Variants in CHLSN observed in about 807,000 individuals in gnomAD.
CHLSN encodes the protein protein cholesin.
chr7:1,108,466 G>A, the CHLSN span, among the ~76,000 whole-genome samples: 3 of 152,194 alleles, frequency 2.0e-5, no homozygotes, highest in East Asian at 3.8e-4. Flanking sequence ...TATCTGCTGC[G>A]GACTCCACGA....
chr7:1,098,630 C>T, the CHLSN span, among the ~76,000 whole-genome samples: 4 of 152,094 alleles, frequency 2.6e-5, no homozygotes, highest in African/African-American at 4.8e-5. Flanking sequence ...GGAGCTGCCA[C>T]GCTCAGTGAG....
the CHLSN span, among the ~76,000 whole-genome samples, chr7:1,051,781 C>T: frequency 1.3e-5 from 2 of 152,184 alleles, no homozygotes; most frequent in African/African-American, 4.8e-5. Flanking sequence ...TGAGACTAGC[C>T]TGGGCAACAT....
At chr7:1,092,011 G>A in the CHLSN span, 8 of 1,614,034 alleles carry the variant, frequency 5.0e-6, no homozygotes, top group Admixed American at 3.3e-5. Context: ...GACCATCCCC[G>A]ACCTGTACTT....
At chr7:1,086,220 A>G in the CHLSN span, among the ~76,000 whole-genome samples, 1 of 152,262 alleles carries the variant, frequency 6.6e-6, no homozygotes, top group Non-Finnish European at 1.5e-5. Flanking sequence ...ATGGGTTTGC[A>G]CTAGCAGGGT....
the CHLSN span, among the ~76,000 whole-genome samples, chr7:999,981 A>ACGCGCACACACGTGTAGACACACGT: frequency 6.6e-6 from 1 of 152,192 alleles, no homozygotes; most frequent in African/African-American, 2.4e-5. Flanking sequence ...GACACACATC[A>ACGCGCACACACGTGTAGACACACGT]CGCGCACACA....
At chr7:1,060,921 C>T in the CHLSN span, among the ~76,000 whole-genome samples, 4 of 152,290 alleles carry the variant, frequency 2.6e-5, no homozygotes, top group South Asian at 4.1e-4. Context: ...CAGCGGCTGG[C>T]GCCGTCAGCC....
chr7:984,574 G>A, the CHLSN span: 2 of 1,561,198 alleles, frequency 1.3e-6, no homozygotes, highest in Admixed American at 3.7e-5. Context: ...GCGAGGTGGA[G>A]GTCGGTGTGT....
chr7:1,112,077 G>T, the CHLSN span, among the ~76,000 whole-genome samples: 77,657 of 152,060 alleles, frequency 0.51, 20,362 homozygotes, highest in African/African-American at 0.61. Context: ...TGCTGAGTTC[G>T]TTTCTGTTGA....
chr7:1,096,993 T>C, the CHLSN span, among the ~76,000 whole-genome samples: 1 of 151,846 alleles, frequency 6.6e-6, no homozygotes. This position sits in a 1 kb window ranked among gnomAD's most constrained non-coding sequence, Gnocchi z 4.6. Flanking sequence ...CATGAGGCAA[T>C]GTGAGGAGGC....
chr7:1,114,394 C>A, the CHLSN span, among the ~76,000 whole-genome samples: 1 of 152,246 alleles, frequency 6.6e-6, no homozygotes, highest in East Asian at 1.9e-4. Flanking sequence ...GCCCCTGTCA[C>A]CAGCGTGAAT....
At chr7:1,008,126 A>C in the CHLSN span, among the ~76,000 whole-genome samples, 1 of 152,184 alleles carries the variant, frequency 6.6e-6, no homozygotes, top group Non-Finnish European at 1.5e-5. Flanking sequence ...GGAGACAGGC[A>C]AGGTGCAGGT....
chr7:1,135,994 TAAATATATATATA>T, the CHLSN span, among the ~76,000 whole-genome samples: 1 of 123,942 alleles, frequency 8.1e-6, no homozygotes, highest in Middle Eastern at 4.1e-3. Flanking sequence ...TAAGCATATA[TAAATATATATATA>T]AAATATATAT....
At chr7:1,032,760 C>A in the CHLSN span, among the ~76,000 whole-genome samples, 1,864 of 152,348 alleles carry the variant, frequency 0.012, 39 homozygotes, top group African/African-American at 0.042. Context: ...GGCAGGAAAA[C>A]CACCCAATCA....
chr7:1,091,626 C>T, the CHLSN span: 4 of 918,900 alleles, frequency 4.4e-6, no homozygotes, highest in East Asian at 4.9e-5. Context: ...ATGCCAGGCT[C>T]ACTTCAAGGA....
chr7:1,033,273 T>C, the CHLSN span, among the ~76,000 whole-genome samples: 1 of 152,184 alleles, frequency 6.6e-6, no homozygotes, highest in Admixed American at 6.5e-5. Flanking sequence ...TAAAAATCCA[T>C]TGGGCCGGGC....
At chr7:1,027,354 G>T in the CHLSN span, among the ~76,000 whole-genome samples, 2 of 152,256 alleles carry the variant, frequency 1.3e-5, no homozygotes, top group African/African-American at 2.4e-5. Flanking sequence ...TAGGCAGCCC[G>T]GTTCGCGTGT....
chr7:1,094,145 G>A, the CHLSN span, among the ~76,000 whole-genome samples: 29 of 152,260 alleles, frequency 1.9e-4, no homozygotes, highest in Non-Finnish European at 5.9e-5. Flanking sequence ...AGGCCCAAGA[G>A]CTCTGCGGCA....
the CHLSN span, among the ~76,000 whole-genome samples, chr7:1,121,080 C>T: frequency 3.9e-5 from 6 of 152,084 alleles, no homozygotes; most frequent in Non-Finnish European, 7.4e-5. Flanking sequence ...GCAGCGTGGC[C>T]GGCAGGGATG....
the CHLSN span, chr7:1,057,813 G>A: frequency 2.0e-4 from 157 of 777,060 alleles, no homozygotes; most frequent in East Asian, 3.0e-3. Flanking sequence ...TGTGGGCGGC[G>A]AAGTCCACGT....
Sources: allele counts gnomAD v4.1 joint callset (sites outside exome capture counted in the v4.1 genomes callset), GRCh38; gene constraint gnomAD v4.1.1; non-coding constraint Gnocchi (gnomAD v3.1); transcripts MANE v1.5; gene names NCBI Gene and HGNC (gene_info 2026-07-23, HGNC 2026-07-21).